The following PTPRD variants were observed in gnomAD, a reference collection of about 807,000 sequenced individuals.
The protein encoded by PTPRD is receptor-type tyrosine-protein phosphatase delta.
Under a neutral mutation model 214.5 loss-of-function variants are expected in PTPRD, and 34 were observed. The ratio of observed to expected loss-of-function variants is 0.16; its 90% confidence interval spans 0.12 to 0.21. The LOEUF (loss-of-function observed/expected upper bound fraction) is 0.21. Among genes scored for constraint, PTPRD ranks in the 10% least tolerant of loss-of-function variants. PTPRD has a pLI of 1.00. For synonymous variants in PTPRD, 1,128 were observed against 845.7 expected, an observed-to-expected ratio of 1.33 and a Z score of -5.79; for missense variants, 2,545 against 2,398.7, an observed-to-expected ratio of 1.06 and a Z score of -1.27.
In PTPRD at chr9:9,200,597, A is replaced by G. The variant is rs141834380; in HGVS notation, c.-202-17234T>C. Among the ~76,000 whole-genome samples, 304 of 152,342 alleles carry G rather than the reference A, an allele frequency of 2.0e-3. 2 individuals are homozygous for G. The highest frequency in any genetic ancestry group is 6.7e-3 in the African/African-American group (280 of 41,578). On this transcript the variant is annotated intron_variant, in intron 9 of 45. Transcript: ENST00000381196. ...TTGCCTAAGGTAACACAGGATTCCA[A>G]CCAAGACTGTCTGTTGCAGATTTCA... is the stretch of plus-strand genomic sequence containing the variant.
At chr9:10,359,173 T>C (rs2097332220) in intron 2 of PTPRD, among the ~76,000 whole-genome samples, 1 of 152,040 alleles carries the variant, frequency 6.6e-6, no homozygotes, top group Non-Finnish European at 1.5e-5. Context: ...ATAATATTCA[T>C]TGTTCAGCCA....
intron 5 of PTPRD, among the ~76,000 whole-genome samples, chr9:9,854,465 C>A (rs1211872666): frequency 6.6e-6 from 1 of 151,434 alleles, no homozygotes; most frequent in Non-Finnish European, 1.5e-5. Context: ...GAGTAACTTA[C>A]AAGATTCCCA....
At chr9:9,907,359 A>T (rs2077879351) in intron 5 of PTPRD, among the ~76,000 whole-genome samples, 1 of 151,914 alleles carries the variant, frequency 6.6e-6, no homozygotes, top group African/African-American at 2.4e-5. Context: ...TGGGTGGCTG[A>T]AGCAATAGAA....
At chr9:8,385,943 C>T (rs1178708069) in intron 37 of PTPRD, among the ~76,000 whole-genome samples, 5 of 152,068 alleles carry the variant, frequency 3.3e-5, no homozygotes, top group Non-Finnish European at 5.9e-5. Context: ...CAGGATTCAT[C>T]GTCAACCATA....
chr9:9,005,286 C>T (rs550843743), intron 11 of PTPRD, among the ~76,000 whole-genome samples: 18 of 151,902 alleles, frequency 1.2e-4, no homozygotes, highest in Non-Finnish European at 2.1e-4. Context: ...ACAATTTGCT[C>T]CTCAATAAAA....
chr9:9,165,425 A>C (rs2099901155), intron 10 of PTPRD, among the ~76,000 whole-genome samples: 1 of 152,192 alleles, frequency 6.6e-6, no homozygotes, highest in Admixed American at 6.6e-5. Context: ...TTCTATGCAG[A>C]TGAAGGTAGG....
At chr9:10,014,364 T>C (rs1416540483) in intron 4 of PTPRD, among the ~76,000 whole-genome samples, 1 of 152,018 alleles carries the variant, frequency 6.6e-6, no homozygotes, top group African/African-American at 2.4e-5. Flanking sequence ...GAAGGAATGT[T>C]ACATTTACTT....
intron 10 of PTPRD, among the ~76,000 whole-genome samples, chr9:9,128,624 T>C (rs1469684943): frequency 2.6e-5 from 4 of 152,228 alleles, no homozygotes; most frequent in Admixed American, 6.5e-5. Flanking sequence ...TATATCAGCT[T>C]TCTGAATATC....
chr9:8,425,123 T>A (rs1370940747), intron 35 of PTPRD, among the ~76,000 whole-genome samples: 1 of 152,206 alleles, frequency 6.6e-6, no homozygotes, highest in Non-Finnish European at 1.5e-5. Flanking sequence ...CCACTACCAT[T>A]TTATAATTTT....
At chr9:9,134,285 G>A (rs1354963818) in intron 10 of PTPRD, among the ~76,000 whole-genome samples, 2 of 137,618 alleles carry the variant, frequency 1.5e-5, no homozygotes, top group Admixed American at 7.2e-5. Context: ...TTGTTAGCCA[G>A]GATGGTCTCG....
intron 22 of PTPRD, 73 bp downstream of exon 22, chr9:8,507,228 A>C: frequency 6.5e-7 from 1 of 1,537,944 alleles, no homozygotes; most frequent in African/African-American, 1.4e-5. Flanking sequence ...AAGAATGTGG[A>C]TAAATACACA....
chr9:8,386,227 C>G (rs1198366889), intron 37 of PTPRD, among the ~76,000 whole-genome samples: 1 of 152,148 alleles, frequency 6.6e-6, no homozygotes, highest in Non-Finnish European at 1.5e-5. Context: ...TATTTGAACT[C>G]AGACATCTGA....
At chr9:8,448,010 A>G (rs2095801248) in intron 34 of PTPRD, among the ~76,000 whole-genome samples, 1 of 152,104 alleles carries the variant, frequency 6.6e-6, no homozygotes, top group African/African-American at 2.4e-5. Context: ...AGGAATATAA[A>G]TTCCTGGGTC....
intron 5 of PTPRD, among the ~76,000 whole-genome samples, chr9:9,819,762 C>A (rs570364598): frequency 4.6e-4 from 70 of 152,200 alleles, no homozygotes; most frequent in African/African-American, 1.6e-3. Flanking sequence ...AGAACATGTT[C>A]CTGCACCAAT....
chr9:8,590,900 T>C (rs1439267653), intron 14 of PTPRD, among the ~76,000 whole-genome samples: 1 of 152,144 alleles, frequency 6.6e-6, no homozygotes, highest in Non-Finnish European at 1.5e-5. Flanking sequence ...AGAAGTCCCA[T>C]ATGAGTTTCA....
intron 4 of PTPRD, among the ~76,000 whole-genome samples, chr9:9,953,394 G>C (rs781089769): frequency 2.6e-5 from 4 of 151,752 alleles, no homozygotes; most frequent in Admixed American, 6.6e-5. Flanking sequence ...TAAAATCTCA[G>C]AATTCAACAC....
rs550583504 is a variant in PTPRD, at chr9:9,991,991, T to A, written c.-472+41727A>T. Among the ~76,000 whole-genome samples the A allele has an allele frequency of 5.3e-5, 8 of 152,090 alleles. No individual in the cohort carries two copies. In the South Asian group the frequency reaches 1.5e-3, roughly 28 times the overall value. On this transcript the variant is annotated intron_variant, in intron 4 of 45. Coordinates refer to ENST00000381196, the MANE Select transcript of PTPRD (RefSeq NM_002839.4). ...TACAACATAACGAACCTCAAAAACA[T>A]TACGCTAAATGAAAGGAGTCAGTCA...
intron 39 of PTPRD, among the ~76,000 whole-genome samples, chr9:8,343,293 T>C (rs1420548939): frequency 6.6e-6 from 1 of 152,104 alleles, no homozygotes; most frequent in African/African-American, 2.4e-5. Context: ...AATAGGTTAC[T>C]TTTTTATGTC....
chr9:9,593,142 G>GAAAGAAAAGAAAAGA (rs56345527), intron 7 of PTPRD, among the ~76,000 whole-genome samples: 16 of 145,932 alleles, frequency 1.1e-4, no homozygotes, highest in African/African-American at 3.8e-4. Flanking sequence ...AAAGGAAAGG[G>GAAAGAAAAGAAAAGA]AAAGAAAAGA....
Sources: allele counts gnomAD v4.1 joint callset (sites outside exome capture counted in the v4.1 genomes callset), GRCh38; gene constraint gnomAD v4.1.1; transcripts MANE v1.5; gene names NCBI Gene and HGNC (gene_info 2026-07-23, HGNC 2026-07-21).